BACH2: variants seen among roughly 807,000 people sequenced by gnomAD.
BACH2 encodes transcription regulator protein BACH2.
In BACH2, 5 loss-of-function variants were observed where a neutral mutation model predicts 61.8. That is an observed-to-expected ratio of 0.08 (90% CI 0.04 to 0.17). BACH2 has a LOEUF of 0.17. Among genes scored for constraint, BACH2 ranks in the 10% least tolerant of loss-of-function variants. The pLI is 1.00. For synonymous variants in BACH2, 446 were observed against 440.1 expected, an observed-to-expected ratio of 1.01 and a Z score of -0.17; for missense variants, 824 against 1,091.1, an observed-to-expected ratio of 0.76 and a Z score of 3.45.
chr6:90,220,173 T>C lies in BACH2; in HGVS notation c.-274-13492A>G, dbSNP rs79115385. 5.5e-3 allele frequency among the ~76,000 whole-genome samples: 839 copies of C among 152,290 alleles called. 7 individuals carry two copies. Among genetic ancestry groups the C allele is most frequent in the East Asian group, 0.021 (110 of 5,182 alleles). On this transcript the variant is annotated intron_variant, in intron 3 of 8. Coordinates refer to ENST00000257749, the MANE Select transcript of BACH2 (RefSeq NM_021813.4). ...TGTTTCCAAAGTATTTACCCCAGAGTTTCTCCGCTACAGGATTTAAGGTCC... is the reference window on the plus strand; with the variant it reads ...TGTTTCCAAAGTATTTACCCCAGAGCTTCTCCGCTACAGGATTTAAGGTCC...
intron 6 of BACH2, among the ~76,000 whole-genome samples, chr6:89,993,314 C>T (rs1388060262): frequency 6.6e-6 from 1 of 152,034 alleles, no homozygotes; most frequent in Non-Finnish European, 1.5e-5. Flanking sequence ...CTTAATAAAA[C>T]TTAAAAACTT....
intron 4 of BACH2, among the ~76,000 whole-genome samples, chr6:90,194,673 C>T (rs1257090640): frequency 6.6e-6 from 1 of 152,204 alleles, no homozygotes; most frequent in Non-Finnish European, 1.5e-5. Context: ...GTAACATCAG[C>T]ATTTTCTGCA....
intron 3 of BACH2, among the ~76,000 whole-genome samples, chr6:90,231,985 CAGAGAGAG>C (rs542457957): frequency 2.0e-5 from 3 of 149,258 alleles, no homozygotes; most frequent in Non-Finnish European, 4.5e-5. Context: ...GAGAGAGAGA[CAGAGAGAG>C]AGAGAGAGAG....
intron 5 of BACH2, among the ~76,000 whole-genome samples, chr6:90,066,408 T>A (rs1220125930): frequency 2.0e-5 from 3 of 152,030 alleles, no homozygotes; most frequent in African/African-American, 4.8e-5. Context: ...TTTCAGGGAT[T>A]TGAAGCTATA....
At chr6:90,251,316 G>T (rs1770800965) in intron 3 of BACH2, among the ~76,000 whole-genome samples, 1 of 152,058 alleles carries the variant, frequency 6.6e-6, no homozygotes, top group East Asian at 1.9e-4. Context: ...AATCACACAG[G>T]ATGGTTTCTT....
At position 90,012,706 on chromosome 6, in the gene BACH2, A is replaced by C. The variant is rs148919969; in HGVS notation, c.-12-3850T>G. Among the ~76,000 whole-genome samples the C allele has an allele frequency of 1.5e-3, 234 of 151,596 alleles. 1 individual carries two copies. The highest frequency in any genetic ancestry group is 5.4e-3 in the African/African-American group (223 of 41,356). ...TTTTTGGAGACAGTCTCACTCTGTC[A>C]CCCAGATGGAGTGCAGTGGTGCGAT... On this transcript the variant is annotated intron_variant, in intron 5 of 8. Transcript: ENST00000257749.
In BACH2 at chr6:90,029,420, T is replaced by G. The variant is rs192684070; in HGVS notation, c.-12-20564A>C. ...CTCAGGTCTCTGTGCAGACATCACA[T>G]TCTCAGTGAGGCCTCCCTAACCACC... On this transcript the variant is annotated intron_variant, in intron 5 of 8. Coordinates refer to ENST00000257749, the MANE Select transcript of BACH2 (RefSeq NM_021813.4). Among the ~76,000 whole-genome samples the G allele has an allele frequency of 2.1e-4, 32 of 152,224 alleles. No individual in the cohort carries two copies. The East Asian group carries it at 6.0e-3, about 29-fold the overall frequency.
At chr6:90,278,591 T>C (rs931937064) in intron 1 of BACH2, among the ~76,000 whole-genome samples, 4 of 152,268 alleles carry the variant, frequency 2.6e-5, no homozygotes, top group African/African-American at 7.2e-5. Flanking sequence ...ACCTGTGTGA[T>C]ACTTATTTTA....
chr6:89,954,953 C>T (rs1384149095), intron 6 of BACH2, among the ~76,000 whole-genome samples: 6 of 152,246 alleles, frequency 3.9e-5, no homozygotes, highest in Admixed American at 6.5e-5. Flanking sequence ...GCTCTTCTCC[C>T]ATTCTGGTTT....
intron 4 of BACH2, among the ~76,000 whole-genome samples, chr6:90,129,506 TTTC>T (rs975376672): frequency 2.0e-5 from 3 of 152,068 alleles, no homozygotes; most frequent in Non-Finnish European, 4.4e-5. Flanking sequence ...ATGTGGTTTC[TTTC>T]TTTTTTTTTA....
chr6:90,223,426 G>A (rs1017087354), intron 3 of BACH2, among the ~76,000 whole-genome samples: 2 of 152,220 alleles, frequency 1.3e-5, no homozygotes, highest in Middle Eastern at 3.4e-3. Context: ...TGTATTCAAT[G>A]GCACTTGTGA....
chr6:89,932,606 G>GGGA lies in BACH2; in HGVS notation c.2325_2327dup (p.Pro777dup). 1 of 1,614,056 alleles carries GGGA rather than the reference G, an allele frequency of 6.2e-7. No homozygotes were observed. The highest frequency in any genetic ancestry group is 2.2e-5 in the East Asian group (1 of 44,864). On this transcript the variant is annotated inframe_insertion, in exon 9 of 9. Coordinates refer to ENST00000257749, the MANE Select transcript of BACH2 (RefSeq NM_021813.4). ...TGCTGGGTGCCCAGGGGGGTCCGGG[G>GGGA]GGAGCCGCGCCTGGCTCCAAGCAGC...
intron 4 of BACH2, among the ~76,000 whole-genome samples, chr6:90,139,035 C>G (rs1784375662): frequency 6.6e-6 from 1 of 152,068 alleles, no homozygotes; most frequent in African/African-American, 2.4e-5. Flanking sequence ...TACACATGCA[C>G]TTTAGCAAGA....
intron 5 of BACH2, among the ~76,000 whole-genome samples, chr6:90,042,833 G>A (rs577272522): frequency 2.0e-5 from 3 of 152,250 alleles, no homozygotes; most frequent in East Asian, 3.9e-4. Context: ...AACAATATTT[G>A]TTTTTGCATA....
chr6:90,181,905 T>C (rs1264423229), intron 4 of BACH2, among the ~76,000 whole-genome samples: 1 of 152,214 alleles, frequency 6.6e-6, no homozygotes, highest in Non-Finnish European at 1.5e-5. Context: ...TCTCTGACTC[T>C]GCAGTCTGAG....
chr6:90,215,194 A>C (rs1369553418), intron 3 of BACH2, among the ~76,000 whole-genome samples: 2 of 152,142 alleles, frequency 1.3e-5, no homozygotes, highest in Non-Finnish European at 2.9e-5. Flanking sequence ...ATGCTCTCAA[A>C]CCAGTTTCTG....
At chr6:90,122,846 G>A (rs1333999864) in intron 4 of BACH2, among the ~76,000 whole-genome samples, 1 of 152,162 alleles carries the variant, frequency 6.6e-6, no homozygotes, top group Non-Finnish European at 1.5e-5. Context: ...ACTGCCCATG[G>A]CAATGGTTCT....
intron 5 of BACH2, among the ~76,000 whole-genome samples, chr6:90,020,490 C>T (rs957082282): frequency 6.6e-6 from 1 of 152,074 alleles, no homozygotes; most frequent in Non-Finnish European, 1.5e-5. Context: ...TGCCCTGTGC[C>T]ACCTTGGGAT....
rs778154893 is a variant in BACH2 at position 89,932,379 on chromosome 6, T to C, written c.*29A>G. The C allele has an allele frequency of 6.3e-7, 1 of 1,594,942 alleles. No individual in the cohort carries two copies. The highest frequency in any genetic ancestry group is 2.2e-5 in the East Asian group (1 of 44,510). On this transcript the variant is annotated 3_prime_UTR_variant, in exon 9 of 9. Coordinates refer to ENST00000257749, the MANE Select transcript of BACH2 (RefSeq NM_021813.4). ...CTGAAGAACGCCTGGATGGGAGAGG[T>C]GTGCGGACTGGGAGGCAGAGCCGAG...
Sources: gnomAD v4.1 joint callset for allele counts (sites outside exome capture counted in the v4.1 genomes callset) on GRCh38, gnomAD v4.1.1 for gene constraint, MANE v1.5 for transcripts, NCBI Gene and HGNC (gene_info 2026-07-23, HGNC 2026-07-21) for gene names.